The following SPECC1 variants were observed in gnomAD, a reference collection of about 807,000 sequenced individuals.
The protein encoded by SPECC1 is sperm antigen with calponin homology and coiled-coil domains 1.
SPECC1 carries 62 observed loss-of-function variants against 104.1 expected under a neutral mutation model. The ratio of observed to expected loss-of-function variants is 0.60; its 90% CI spans 0.49 to 0.74. The LOEUF is 0.74. Ranked by LOEUF, SPECC1 falls within the 30% of genes least tolerant of loss-of-function variation. The pLI is 0.00. For synonymous variants in SPECC1, 513 were observed against 501.6 expected (o/e 1.02, Z -0.30); for missense variants, 1,306 against 1,310.5 (o/e 1.00, Z 0.05).
chr17:20,132,628 C>T (rs188575121), intron 3 of SPECC1, among the ~76,000 whole-genome samples: 1 of 151,198 alleles, frequency 6.6e-6, no homozygotes, highest in Non-Finnish European at 1.5e-5. Flanking sequence ...TATAGGGCTA[C>T]TCATATTACC....
intron 3 of SPECC1, among the ~76,000 whole-genome samples, chr17:20,141,656 T>C (rs1297175147): frequency 6.6e-6 from 1 of 152,188 alleles, no homozygotes; most frequent in Non-Finnish European, 1.5e-5. Context: ...AGATGAGTTT[T>C]AAGATATTCC....
rs539002790 is a variant in SPECC1, at chr17:20,133,644, C to G, written c.283+23082C>G. Among the ~76,000 whole-genome samples, 3 of 152,176 alleles carry G rather than the reference C, an allele frequency of 2.0e-5. No homozygotes were observed. In the South Asian group the frequency reaches 6.2e-4, roughly 32 times the overall value. On this transcript the variant is annotated intron_variant, in intron 3 of 14. Coordinates refer to ENST00000395527, the MANE Select transcript of SPECC1 (RefSeq NM_001243439.2). The stretch of plus-strand genomic sequence containing the variant: ...TCCTCGGCCACCATGGCTCCTGTTG[C>G]AAACACTGCAGGGATTCATGAATAT...
chr17:20,210,854 C>T (rs2037097794), intron 4 of SPECC1, among the ~76,000 whole-genome samples: 2 of 152,202 alleles, frequency 1.3e-5, no homozygotes, highest in African/African-American at 2.4e-5. Context: ...CCCTCCATGC[C>T]AGGCCTGGCC....
chr17:20,249,225 G>T (rs906969928), intron 9 of SPECC1, among the ~76,000 whole-genome samples: 2 of 151,996 alleles, frequency 1.3e-5, no homozygotes, highest in Non-Finnish European at 2.9e-5. Flanking sequence ...CGAGACCAGG[G>T]TGGCCGACAT....
At chr17:20,224,673 G>A (rs1459535995) in intron 4 of SPECC1, among the ~76,000 whole-genome samples, 1 of 152,150 alleles carries the variant, frequency 6.6e-6, no homozygotes, top group African/African-American at 2.4e-5. Flanking sequence ...CAGGGCCCAA[G>A]TTCTCTTTAG....
At chr17:20,198,523 T>G (rs761296355) in intron 3 of SPECC1, among the ~76,000 whole-genome samples, 8 of 152,344 alleles carry the variant, frequency 5.3e-5, no homozygotes, top group Non-Finnish European at 1.0e-4. Context: ...TGTACATACC[T>G]GACTCTGTCA....
chr17:20,278,310 T>C (rs2040641926), intron 12 of SPECC1, among the ~76,000 whole-genome samples: 2 of 152,092 alleles, frequency 1.3e-5, no homozygotes, highest in Admixed American at 6.6e-5. Flanking sequence ...TATTGGAGAA[T>C]TAGAAGCAAG....
intron 3 of SPECC1, among the ~76,000 whole-genome samples, chr17:20,202,670 C>T (rs1567932632): frequency 6.6e-6 from 1 of 152,132 alleles, no homozygotes; most frequent in East Asian, 1.9e-4. Context: ...ACATATAACA[C>T]AAAGTGTGTG....
chr17:20,019,580 T>C (rs370343408), intron 1 of SPECC1, among the ~76,000 whole-genome samples: 6 of 152,194 alleles, frequency 3.9e-5, no homozygotes, highest in Non-Finnish European at 5.9e-5. Context: ...TTTTGAACTT[T>C]ATCTGCAAAT....
At chr17:20,250,545 G>A (rs1469920084) in intron 9 of SPECC1, among the ~76,000 whole-genome samples, 1 of 152,118 alleles carries the variant, frequency 6.6e-6, no homozygotes, top group Non-Finnish European at 1.5e-5. Context: ...AATGTAACGT[G>A]CTAAACTTAC....
chr17:20,061,451 A>T (rs1007373308), intron 1 of SPECC1, among the ~76,000 whole-genome samples: 2 of 152,176 alleles, frequency 1.3e-5, no homozygotes, highest in Non-Finnish European at 2.9e-5. Context: ...CTCCATCTGC[A>T]GGTTGTATGT....
chr17:20,244,396 C>G (rs563634442), intron 7 of SPECC1, among the ~76,000 whole-genome samples: 66 of 152,264 alleles, frequency 4.3e-4, no homozygotes, highest in Middle Eastern at 6.8e-3. Flanking sequence ...CAGTTCCTCT[C>G]AATAAAATTA....
chr17:20,218,053 A>C (rs1178974238), intron 4 of SPECC1, among the ~76,000 whole-genome samples: 1 of 152,208 alleles, frequency 6.6e-6, no homozygotes, highest in Non-Finnish European at 1.5e-5. Flanking sequence ...AAAACTAAAA[A>C]ATAGTAAAGT....
At chr17:20,079,916 G>A (rs998447812) in intron 1 of SPECC1, among the ~76,000 whole-genome samples, 7 of 152,142 alleles carry the variant, frequency 4.6e-5, no homozygotes, top group African/African-American at 1.7e-4. Flanking sequence ...AGCCTGCATC[G>A]CTGCAGTCTC....
At chr17:20,031,667 C>T (rs965109810) in intron 1 of SPECC1, among the ~76,000 whole-genome samples, 2 of 152,192 alleles carry the variant, frequency 1.3e-5, no homozygotes, top group Non-Finnish European at 2.9e-5. Context: ...CCACGTTACT[C>T]CCTCCCTCAG....
intron 4 of SPECC1, among the ~76,000 whole-genome samples, chr17:20,214,498 C>T (rs1236187343): frequency 6.6e-6 from 1 of 151,994 alleles, no homozygotes; most frequent in Non-Finnish European, 1.5e-5. Flanking sequence ...GCTGGAAAGA[C>T]ATTCATTTTA....
At chr17:20,201,635 C>T (rs1284855379) in intron 3 of SPECC1, among the ~76,000 whole-genome samples, 2 of 152,170 alleles carry the variant, frequency 1.3e-5, no homozygotes, top group South Asian at 2.1e-4. Flanking sequence ...GTTTTTAATA[C>T]GGTCCTTGCT....
At chr17:20,220,301 A>G (rs1417402231) in intron 4 of SPECC1, among the ~76,000 whole-genome samples, 1 of 152,098 alleles carries the variant, frequency 6.6e-6, no homozygotes, top group Non-Finnish European at 1.5e-5. Flanking sequence ...TCCAGTCTCT[A>G]CACATAGAGT....
At chr17:20,115,747 A>G (rs552482735) in intron 3 of SPECC1, among the ~76,000 whole-genome samples, 38 of 152,338 alleles carry the variant, frequency 2.5e-4, no homozygotes, top group Admixed American at 2.0e-3. Context: ...TTGATAGACT[A>G]TACATGTGCA....
Sources: allele counts gnomAD v4.1 joint callset (sites outside exome capture counted in the v4.1 genomes callset), GRCh38; gene constraint gnomAD v4.1.1; transcripts MANE v1.5; gene names NCBI Gene and HGNC (gene_info 2026-07-23, HGNC 2026-07-21).